Variants in MET observed in about 807,000 individuals in gnomAD.
MET encodes hepatocyte growth factor receptor.
Under a neutral mutation model 133.1 loss-of-function variants are expected in MET, and 48 were observed. The ratio of observed to expected loss-of-function variants is 0.36; its 90% CI spans 0.29 to 0.46. MET has a LOEUF of 0.46. Among genes scored for constraint, MET ranks in the 20% least tolerant of loss-of-function variants. MET has a pLI of 1.00. For missense variants in MET, 1,442 were observed against 1,695.9 expected (o/e 0.85, Z 2.63); for synonymous variants, 628 against 616.5 (o/e 1.02, Z -0.28).
At position 116,776,018 on chromosome 7, in the gene MET, C is replaced by T. The variant is rs940601132; in HGVS notation, c.3259+907C>T. Among the ~76,000 whole-genome samples, 7 of 150,754 alleles carry T rather than the reference C, an allele frequency of 4.6e-5. No homozygotes were observed. In the Middle Eastern group the frequency reaches 0.01, roughly 224 times the overall value. ...AAACAGTATTTGTGGAAATATTTAG[C>T]AGGAAAAGAAACCAATCAAAAACCG... On this transcript the variant is annotated intron_variant, in intron 15 of 20. Coordinates refer to ENST00000397752, the MANE Select transcript of MET (RefSeq NM_000245.4).
chr7:116,703,713 A>G (rs1791668217), intron 2 of MET, among the ~76,000 whole-genome samples: 1 of 152,136 alleles, frequency 6.6e-6, no homozygotes, highest in South Asian at 2.1e-4. Context: ...GAATCAGTAC[A>G]CATTGGCCCA....
chr7:116,778,974 G>A lies in MET; in HGVS notation c.3522+17G>A. The A allele has an allele frequency of 6.2e-7, 1 of 1,613,086 alleles. No individual in the cohort carries two copies. On this transcript the variant is annotated intron_variant, in intron 17 of 20. Coordinates refer to ENST00000397752, the MANE Select transcript of MET (RefSeq NM_000245.4). Reference sequence around the variant, plus strand: ...GAGACTCATGTAAGTTGACTGCCAAGCTTACTAACTGGCAAACTAGCTGTA... The same window carrying A: ...GAGACTCATGTAAGTTGACTGCCAAACTTACTAACTGGCAAACTAGCTGTA...
chr7:116,783,977 C>T (rs1318218096), intron 19 of MET, among the ~76,000 whole-genome samples: 3 of 152,212 alleles, frequency 2.0e-5, no homozygotes, highest in African/African-American at 7.2e-5. Flanking sequence ...AAGGCATGCA[C>T]CTGAGTGCTG....
At chr7:116,775,176 T>C in intron 15 of MET, 65 bp downstream of exon 15, 2 of 1,501,230 alleles carry the variant, frequency 1.3e-6, no homozygotes, top group South Asian at 2.3e-5. Flanking sequence ...TCTTTGGCCT[T>C]TGCAGATTAG....
intron 5 of MET, among the ~76,000 whole-genome samples, chr7:116,744,917 A>G (rs927118475): frequency 6.6e-6 from 1 of 152,222 alleles, no homozygotes; most frequent in African/African-American, 2.4e-5. Context: ...TAGTGTTGGA[A>G]TTTCTGGCCA....
At position 116,675,602 on chromosome 7, in the gene MET, T is replaced by C. The variant is rs1361506826; in HGVS notation, c.-15+3025T>C. Among the ~76,000 whole-genome samples, 3 of 152,150 alleles carry C rather than the reference T, an allele frequency of 2.0e-5. No homozygotes were observed. The East Asian group carries it at 5.8e-4, about 29-fold the overall frequency. ...TGAGACTAGCTCCATGCTATTTCAA[T>C]AGCACCATACCACCTTTCCTCAGCC... is the stretch of plus-strand genomic sequence containing the variant. On this transcript the variant is annotated intron_variant, in intron 1 of 20. Transcript: ENST00000397752.
intron 1 of MET, among the ~76,000 whole-genome samples, chr7:116,676,754 G>C (rs1796173154): frequency 6.6e-6 from 1 of 152,152 alleles, no homozygotes; most frequent in Non-Finnish European, 1.5e-5. Flanking sequence ...GCACTTCTCA[G>C]GAGTGCTATT....
chr7:116,673,525 T>C (rs1017896853), intron 1 of MET, among the ~76,000 whole-genome samples: 1 of 152,234 alleles, frequency 6.6e-6, no homozygotes, highest in African/African-American at 2.4e-5. Context: ...GACCCTCTCT[T>C]GAATTTTAAG....
chr7:116,760,473 G>A (rs574146572), intron 10 of MET, among the ~76,000 whole-genome samples: 1 of 152,066 alleles, frequency 6.6e-6, no homozygotes, highest in South Asian at 2.1e-4. Context: ...CATACATTTT[G>A]TTGATGTTTT....
chr7:116,692,207 G>T (rs575130596), intron 1 of MET, among the ~76,000 whole-genome samples: 1 of 152,246 alleles, frequency 6.6e-6, no homozygotes, highest in East Asian at 1.9e-4. Flanking sequence ...TGGAAACACA[G>T]GATAATGCTT....
intron 19 of MET, 52 bp from the exon 20 acceptor site, chr7:116,795,603 A>T: frequency 6.2e-7 from 1 of 1,611,688 alleles, no homozygotes; most frequent in Non-Finnish European, 8.5e-7. Context: ...TTCCTTTCAT[A>T]TATGTATGGT....
chr7:116,712,245 C>T (rs1792029324), intron 2 of MET, among the ~76,000 whole-genome samples: 1 of 152,182 alleles, frequency 6.6e-6, no homozygotes, highest in Admixed American at 6.5e-5. Context: ...CATTTTCCTT[C>T]CCCAGGACAT....
intron 5 of MET, among the ~76,000 whole-genome samples, chr7:116,755,031 A>AGAAAGAAAGAAAGAAG (rs1794120521): frequency 6.6e-6 from 1 of 151,712 alleles, no homozygotes; most frequent in Non-Finnish European, 1.5e-5. Flanking sequence ...AAAGAAAGAA[A>AGAAAGAAAGAAAGAAG]GAAAGAAAGA....
At chr7:116,775,924 C>T (rs980938493) in intron 15 of MET, among the ~76,000 whole-genome samples, 1 of 152,200 alleles carries the variant, frequency 6.6e-6, no homozygotes, top group Non-Finnish European at 1.5e-5. Context: ...CAATGCACTC[C>T]AATTTCTTTA....
intron 18 of MET, 135 bp from the exon 19 acceptor site, chr7:116,783,169 G>C: frequency 1.0e-6 from 1 of 976,392 alleles, no homozygotes; most frequent in Non-Finnish European, 1.6e-6. Context: ...TTAGTCAATA[G>C]AGGCCAGATG....
intron 1 of MET, among the ~76,000 whole-genome samples, chr7:116,687,763 C>CAAAA: frequency 6.6e-6 from 1 of 152,124 alleles, no homozygotes. Context: ...AAATTCAGAC[C>CAAAA]TAAGAGAAAA....
At chr7:116,693,309 G>A (rs1418863217) in intron 1 of MET, among the ~76,000 whole-genome samples, 1 of 152,152 alleles carries the variant, frequency 6.6e-6, no homozygotes, top group African/African-American at 2.4e-5. Flanking sequence ...GCCCTGATTT[G>A]TAGTGTTTGC....
At chr7:116,790,048 C>T (rs1019082959) in intron 19 of MET, among the ~76,000 whole-genome samples, 1 of 152,120 alleles carries the variant, frequency 6.6e-6, no homozygotes, top group Non-Finnish European at 1.5e-5. Context: ...TGAGAACTTG[C>T]GGTATTTGGT....
At chr7:116,746,074 C>A (rs897443690) in intron 5 of MET, among the ~76,000 whole-genome samples, 2 of 152,030 alleles carry the variant, frequency 1.3e-5, no homozygotes, top group Non-Finnish European at 2.9e-5. Context: ...GAACTCAAAC[C>A]AATTTACAAG....
Sources: allele counts gnomAD v4.1 joint callset (sites outside exome capture counted in the v4.1 genomes callset), GRCh38; gene constraint gnomAD v4.1.1; transcripts MANE v1.5; gene names NCBI Gene and HGNC (gene_info 2026-07-23, HGNC 2026-07-21).